The following NRG1 variants were observed in gnomAD, a reference collection of about 807,000 sequenced individuals.
The protein encoded by NRG1 is neuregulin 1.
NRG1 carries 18 observed loss-of-function variants against 63.8 expected under a neutral mutation model. The ratio of observed to expected loss-of-function variants is 0.28; its 90% CI spans 0.19 to 0.42. The LOEUF (loss-of-function observed/expected upper bound fraction) is 0.42. Among genes scored for constraint, NRG1 ranks in the 10% least tolerant of loss-of-function variants. NRG1 has a pLI of 1.00. For missense variants in NRG1, 762 were observed against 814.7 expected (o/e 0.94, Z 0.79); for synonymous variants, 302 against 301.3 (o/e 1.00, Z -0.02).
chr8:32,724,064 A>G (rs1006941628), intron 5 of NRG1, among the ~76,000 whole-genome samples: 1 of 152,244 alleles, frequency 6.6e-6, no homozygotes, highest in Admixed American at 6.5e-5. Flanking sequence ...TTTTGCACCA[A>G]CCTAATAGTA....
At chr8:32,310,907 C>T (rs1406295116) in intron 1 of NRG1, among the ~76,000 whole-genome samples, 1 of 152,156 alleles carries the variant, frequency 6.6e-6, no homozygotes, top group Non-Finnish European at 1.5e-5. Context: ...TCATGCTGTT[C>T]CCTCTACCTG....
At chr8:32,122,678 G>A (rs1017692594) in intron 1 of NRG1, among the ~76,000 whole-genome samples, 4 of 151,586 alleles carry the variant, frequency 2.6e-5, no homozygotes, top group African/African-American at 9.7e-5. Context: ...CAATGTGCAG[G>A]TTACTTACAT....
chr8:32,305,672 G>C (rs1397457598), intron 1 of NRG1, among the ~76,000 whole-genome samples: 1 of 152,168 alleles, frequency 6.6e-6, no homozygotes, highest in African/African-American at 2.4e-5. Flanking sequence ...AGATCTCACA[G>C]GATGTTCACC....
At chr8:32,629,842 A>G (rs1849956960) in intron 5 of NRG1, among the ~76,000 whole-genome samples, 1 of 152,160 alleles carries the variant, frequency 6.6e-6, no homozygotes, top group African/African-American at 2.4e-5. Context: ...CTGAAGAGGC[A>G]CTTGCTTGGG....
intron 1 of NRG1, among the ~76,000 whole-genome samples, chr8:31,849,444 T>C (rs938039113): frequency 1.3e-5 from 2 of 152,236 alleles, no homozygotes; most frequent in Non-Finnish European, 1.5e-5. Context: ...ACAACATATA[T>C]TAACTTCATC....
intron 1 of NRG1, among the ~76,000 whole-genome samples, chr8:31,784,861 A>T (rs1820028619): frequency 6.6e-6 from 1 of 152,216 alleles, no homozygotes; most frequent in Non-Finnish European, 1.5e-5. Flanking sequence ...TCCAAAATGT[A>T]GGAAGATCTT....
chr8:32,116,862 G>A (rs562789532), intron 1 of NRG1, among the ~76,000 whole-genome samples: 28 of 151,194 alleles, frequency 1.9e-4, no homozygotes, highest in African/African-American at 5.8e-4. Context: ...TGAATTCCAG[G>A]CCAGGTGCAG....
intron 1 of NRG1, among the ~76,000 whole-genome samples, chr8:31,708,466 G>A (rs1272702590): frequency 4.5e-5 from 6 of 131,874 alleles, no homozygotes; most frequent in African/African-American, 1.7e-4. Flanking sequence ...TTTTTTTTGA[G>A]ACGGAGTCTC....
intron 1 of NRG1, among the ~76,000 whole-genome samples, chr8:32,513,028 A>C (rs1161748796): frequency 6.6e-6 from 1 of 152,168 alleles, no homozygotes; most frequent in East Asian, 1.9e-4. Flanking sequence ...AACTTGGGAC[A>C]GTAAAATTGT....
chr8:32,127,573 AAAAT>A (rs1834262450), intron 1 of NRG1, among the ~76,000 whole-genome samples: 1 of 150,934 alleles, frequency 6.6e-6, no homozygotes, highest in Non-Finnish European at 1.5e-5. Context: ...AAATTCAAAA[AAAAT>A]GAGGAGATCT....
At chr8:32,216,173 C>T (rs1334128594) in intron 1 of NRG1, among the ~76,000 whole-genome samples, 1 of 149,878 alleles carries the variant, frequency 6.7e-6, no homozygotes, top group Non-Finnish European at 1.5e-5. Flanking sequence ...TTATCGTATA[C>T]AGTTATACAT....
chr8:32,725,163 T>A (rs545574614), intron 5 of NRG1, among the ~76,000 whole-genome samples: 4 of 152,206 alleles, frequency 2.6e-5, no homozygotes, highest in South Asian at 2.1e-4. Context: ...AATGTTGGTT[T>A]TGTTGTTTTT....
chr8:32,639,672 A>C (rs1423222060), intron 5 of NRG1, among the ~76,000 whole-genome samples: 1 of 152,208 alleles, frequency 6.6e-6, no homozygotes, highest in Non-Finnish European at 1.5e-5. Context: ...AAATTAACAC[A>C]TATTTCTAGA....
At chr8:31,899,251 G>C (rs1376420238) in intron 1 of NRG1, among the ~76,000 whole-genome samples, 1 of 151,814 alleles carries the variant, frequency 6.6e-6, no homozygotes, top group African/African-American at 2.4e-5. Flanking sequence ...CTACAGGTGT[G>C]AATCACTGTG....
intron 1 of NRG1, among the ~76,000 whole-genome samples, chr8:32,273,115 G>A (rs1467445108): frequency 2.6e-5 from 4 of 152,154 alleles, no homozygotes; most frequent in African/African-American, 7.2e-5. Flanking sequence ...TTGATTAAGC[G>A]TGTTATCAGC....
At chr8:32,753,425 TATC>T (rs1211204098) in intron 7 of NRG1, among the ~76,000 whole-genome samples, 4 of 152,240 alleles carry the variant, frequency 2.6e-5, no homozygotes, top group African/African-American at 9.6e-5. Context: ...GGTGCAGTAG[TATC>T]TTTGGTTCAA....
chr8:31,916,278 G>A (rs1833377366), intron 1 of NRG1, among the ~76,000 whole-genome samples: 1 of 152,000 alleles, frequency 6.6e-6, no homozygotes, highest in Non-Finnish European at 1.5e-5. Flanking sequence ...AGTTACGTAT[G>A]TATACATGTG....
At chr8:32,530,124 T>A (rs1418483308) in intron 1 of NRG1, among the ~76,000 whole-genome samples, 1 of 152,086 alleles carries the variant, frequency 6.6e-6, no homozygotes, top group Non-Finnish European at 1.5e-5. Flanking sequence ...TTTCTTTTTT[T>A]TGAGGCGGAG....
At chr8:32,046,686 A>C (rs1265255100) in intron 1 of NRG1, among the ~76,000 whole-genome samples, 1 of 152,042 alleles carries the variant, frequency 6.6e-6, no homozygotes, top group Non-Finnish European at 1.5e-5. Context: ...AGTCAACCTC[A>C]AAAAGTTTAC....
Sources: allele counts gnomAD v4.1 joint callset (sites outside exome capture counted in the v4.1 genomes callset), GRCh38; gene constraint gnomAD v4.1.1; transcripts MANE v1.5; gene names NCBI Gene and HGNC (gene_info 2026-07-23, HGNC 2026-07-21).